The following TBC1D32 variants were observed in gnomAD, a reference collection of about 807,000 sequenced individuals.
TBC1D32 encodes protein broad-minded.
TBC1D32 carries 151 observed loss-of-function variants against 170.3 expected under a neutral mutation model. The observed-to-expected ratio is 0.89, with a 90% confidence interval of 0.78 to 1.01. The LOEUF (loss-of-function observed/expected upper bound fraction) is 1.01, where lower values mean the gene tolerates loss of function less well. Ranked by LOEUF, TBC1D32 falls within the 50% of genes least tolerant of loss-of-function variation. The pLI is 0.00. For synonymous variants in TBC1D32, 498 were observed against 488.0 expected, an observed-to-expected ratio of 1.02 and a Z score of -0.27; for missense variants, 1,464 against 1,457.1, an observed-to-expected ratio of 1.00 and a Z score of -0.08.
At chr6:121,274,583 A>G (rs1801974490) in intron 15 of TBC1D32, among the ~76,000 whole-genome samples, 1 of 152,142 alleles carries the variant, frequency 6.6e-6, no homozygotes, top group South Asian at 2.1e-4. Context: ...ATGTCCATCA[A>G]TACATGTACA....
At chr6:121,208,931 A>G (rs1228098103) in intron 21 of TBC1D32, among the ~76,000 whole-genome samples, 1 of 152,002 alleles carries the variant, frequency 6.6e-6, no homozygotes, top group Non-Finnish European at 1.5e-5. Context: ...ATAAAAGGGG[A>G]GAGGGTGAAG....
At chr6:121,334,107 A>G (rs1200224710) in intron 1 of TBC1D32, among the ~76,000 whole-genome samples, 169 bp downstream of exon 1, 4 of 152,190 alleles carry the variant, frequency 2.6e-5, no homozygotes, top group African/African-American at 9.6e-5. Flanking sequence ...GCTTTAGGAA[A>G]TAAGAATAAA....
intron 21 of TBC1D32, among the ~76,000 whole-genome samples, chr6:121,218,197 A>G (rs890697037): frequency 6.6e-6 from 1 of 152,242 alleles, no homozygotes; most frequent in Non-Finnish European, 1.5e-5. Flanking sequence ...CTACAAAGAC[A>G]ACTATGCAGG....
intron 15 of TBC1D32, among the ~76,000 whole-genome samples, chr6:121,258,415 C>T (rs1487657057): frequency 1.3e-5 from 2 of 151,752 alleles, no homozygotes; most frequent in Admixed American, 1.3e-4. Context: ...CTTTTAAATA[C>T]TGTGGCTTCA....
intron 19 of TBC1D32, among the ~76,000 whole-genome samples, chr6:121,239,793 AGT>A (rs900898798): frequency 6.1e-4 from 93 of 152,312 alleles, no homozygotes; most frequent in African/African-American, 1.8e-3. Flanking sequence ...TTCTCAAATT[AGT>A]CTATTAAAAA....
chr6:121,146,536 A>G (rs987426731), intron 24 of TBC1D32, among the ~76,000 whole-genome samples: 1 of 152,184 alleles, frequency 6.6e-6, no homozygotes, highest in African/African-American at 2.4e-5. Flanking sequence ...GGGAAGGAGA[A>G]GAAGGTTTGA....
chr6:121,118,908 T>G (rs1184322000), intron 26 of TBC1D32, among the ~76,000 whole-genome samples: 2 of 152,150 alleles, frequency 1.3e-5, no homozygotes, highest in Non-Finnish European at 2.9e-5. Flanking sequence ...AGCCTCCTAA[T>G]TGATGTAGTC....
intron 21 of TBC1D32, among the ~76,000 whole-genome samples, chr6:121,212,615 T>C (rs1793232104): frequency 6.6e-6 from 1 of 151,968 alleles, no homozygotes; most frequent in South Asian, 2.1e-4. Context: ...CCACCACACC[T>C]GGCTAGTTTT....
In TBC1D32 at chr6:121,205,155, A is replaced by G. The variant is rs1792077494; in HGVS notation, c.2490T>C (p.Ile830=). The G allele has an allele frequency of 7.0e-7, 1 of 1,436,908 alleles. No homozygotes were observed. 89.0% of individuals were successfully genotyped at this position (1,436,908 alleles called of 1,614,324 possible). A position where few individuals can be genotyped will look rare whatever the true frequency, so the allele number is the denominator to read the frequency against. Residue 830 remains isoleucine, a synonymous_variant, in exon 22 of 32, where the codon ATT becomes ATC. Transcript: ENST00000398212. ...CAGAATTCAAAATTATAAGTCTATC[A>G]ATAATATCCTGAAAAAGACAGACAA... ...REVPTCVIDI[I]DRLIILNSEA...
intron 17 of TBC1D32, among the ~76,000 whole-genome samples, chr6:121,251,884 G>A (rs1191571640): frequency 1.3e-5 from 2 of 152,154 alleles, no homozygotes; most frequent in East Asian, 3.9e-4. Context: ...TCAAAAAGTG[G>A]GCAAAGGATA....
chr6:121,271,459 T>C (rs559139941), intron 15 of TBC1D32, among the ~76,000 whole-genome samples: 4 of 152,246 alleles, frequency 2.6e-5, no homozygotes, highest in Admixed American at 2.6e-4. Flanking sequence ...GGCATTCCTA[T>C]ACACCAATAA....
chr6:121,281,478 G>A, intron 14 of TBC1D32, 66 bp downstream of exon 14: 1 of 1,268,330 alleles, frequency 7.9e-7, no homozygotes, highest in Non-Finnish European at 1.1e-6. Flanking sequence ...TAGAAATAAA[G>A]TCCCACTGAG....
chr6:121,316,025 A>G (rs1003574942), intron 3 of TBC1D32, among the ~76,000 whole-genome samples: 17 of 152,254 alleles, frequency 1.1e-4, no homozygotes, highest in South Asian at 4.1e-4. Flanking sequence ...GGACATCCCA[A>G]AGAAATCCAG....
intron 24 of TBC1D32, among the ~76,000 whole-genome samples, chr6:121,155,447 G>A (rs1406204392): frequency 6.6e-6 from 1 of 152,094 alleles, no homozygotes; most frequent in African/African-American, 2.4e-5. Flanking sequence ...TCAGCAAGGG[G>A]AGATAGTTTA....
chr6:121,161,852 T>C (rs1235435194), intron 22 of TBC1D32, among the ~76,000 whole-genome samples: 1 of 152,236 alleles, frequency 6.6e-6, no homozygotes, highest in African/African-American at 2.4e-5. Flanking sequence ...CTGTTGTTTT[T>C]TGACTTTTTA....
chr6:121,287,181 T>A (rs1187368851), intron 12 of TBC1D32, among the ~76,000 whole-genome samples: 2 of 152,172 alleles, frequency 1.3e-5, no homozygotes, highest in Non-Finnish European at 2.9e-5. Flanking sequence ...ATGGGCTAAA[T>A]GCTCCAATTA....
chr6:121,180,430 C>G (rs1242351219), intron 22 of TBC1D32, among the ~76,000 whole-genome samples: 2 of 151,696 alleles, frequency 1.3e-5, no homozygotes, highest in Admixed American at 6.6e-5. Flanking sequence ...AATGAAGAAC[C>G]CAGAAATAAA....
At chr6:121,261,970 C>T (rs6920055) in intron 15 of TBC1D32, among the ~76,000 whole-genome samples, 14,281 of 152,060 alleles carry the variant, frequency 0.094, 1,171 homozygotes, top group African/African-American at 0.22. Context: ...AAACACAACA[C>T]GAAAACTCTG....
rs548212286 is a variant in TBC1D32, at chr6:121,139,184, A to G, written c.2774-7432T>C. On this transcript the variant is annotated intron_variant, in intron 24 of 31. Transcript: ENST00000398212. ...TTTCAAAGAATTTTTACTCATGCCT[A>G]GGGGATTCTATTTTTAGTTGATTGG... is the stretch of plus-strand genomic sequence containing the variant. 3.9e-5 allele frequency among the ~76,000 whole-genome samples: 6 copies of G among 152,286 alleles called. No homozygotes were observed. The East Asian group carries it at 1.2e-3, about 29-fold the overall frequency.
Sources: gnomAD v4.1 joint callset for allele counts (sites outside exome capture counted in the v4.1 genomes callset) on GRCh38, gnomAD v4.1.1 for gene constraint, MANE v1.5 for transcripts, NCBI Gene and HGNC (gene_info 2026-07-23, HGNC 2026-07-21) for gene names.